PCNX2: variants seen among roughly 807,000 people sequenced by gnomAD.
PCNX2 encodes the protein pecanex 2.
Under a neutral mutation model 223.8 loss-of-function variants are expected in PCNX2, and 168 were observed. The observed-to-expected ratio is 0.75, with a 90% confidence interval of 0.66 to 0.85. PCNX2 has a LOEUF of 0.85. Among genes scored for constraint, PCNX2 ranks in the 40% least tolerant of loss-of-function variants. The probability of loss-of-function intolerance (pLI) is 0.00; values close to 1 mark genes in which losing one functional copy is unlikely to be tolerated. For synonymous variants in PCNX2, 1,006 were observed against 1,052.6 expected (o/e 0.96, Z 0.86); for missense variants, 2,507 against 2,675.5 (o/e 0.94, Z 1.39).
chr1:233,326,891 T>C, the PCNX2 span, among the ~76,000 whole-genome samples: 1 of 152,180 alleles, frequency 6.6e-6, no homozygotes, highest in African/African-American at 2.4e-5. Flanking sequence ...CCAGGGAGAC[T>C]GGGGCATTTT....
At chr1:233,223,633 C>T (rs114656986) in intron 10 of PCNX2, among the ~76,000 whole-genome samples, 2,553 of 152,186 alleles carry the variant, frequency 0.017, 30 homozygotes, top group South Asian at 0.049. Context: ...CCCTGACAGG[C>T]CCCGGTGTGT....
intron 25 of PCNX2, among the ~76,000 whole-genome samples, chr1:233,032,580 CTT>C (rs11323256): frequency 1.9e-3 from 285 of 147,010 alleles, no homozygotes; most frequent in African/African-American, 6.5e-3. Flanking sequence ...AAAGCCAGGG[CTT>C]TTTTTTTTTT....
At position 233,014,742 on chromosome 1, in the gene PCNX2, G is replaced by A; in HGVS notation, c.4875C>T (p.Pro1625=). 6.2e-7 allele frequency: 1 copy of A among 1,614,010 alleles called. No individual in the cohort carries two copies. The highest frequency in any genetic ancestry group is 8.5e-7 in the Non-Finnish European group (1 of 1,179,904). Reference sequence around the variant, plus strand: ...ACAGGGCGAAGGACAGAGTCACCAAGGGAGAGTCCTCGTCACTGTCCAGGG... The same window carrying A: ...ACAGGGCGAAGGACAGAGTCACCAAAGGAGAGTCCTCGTCACTGTCCAGGG... ...STTLDSDEDS[P]LVTLSFALCT... The change falls in exon 28 of 34, where the codon CCC becomes CCT. Residue 1625 remains proline (P), a synonymous_variant. Coordinates refer to ENST00000258229, the MANE Select transcript of PCNX2 (RefSeq NM_014801.4).
In PCNX2 at chr1:233,000,313, C is replaced by T. The variant is rs754010908; in HGVS notation, c.5320G>A (p.Val1774Met). 6.2e-6 allele frequency: 10 copies of T among 1,613,872 alleles called. No homozygotes were observed. Among genetic ancestry groups the T allele is most frequent in the African/African-American group, 1.3e-5 (1 of 74,934 alleles). ...AAGTGTGGCCGCCATACCTTGATCA[C>T]CTTGAAGCTCAGGAAGCTTCTGTGG... Reference protein sequence around the residue: ...MLHRSFLSFKVIKVNKECVRG... With the variant: ...MLHRSFLSFKMIKVNKECVRG... Residue 1774 changes from valine to methionine, a missense_variant, in exon 30 of 34, where the codon GTG becomes ATG. By Grantham distance (21) the Val-to-Met change is conservative. Coordinates refer to ENST00000258229, the MANE Select transcript of PCNX2 (RefSeq NM_014801.4). This position sits in a 1 kb window ranked among gnomAD's most constrained non-coding sequence, Gnocchi z 4.6.
At chr1:233,027,161 G>A (rs1198280643) in intron 25 of PCNX2, among the ~76,000 whole-genome samples, 1 of 151,972 alleles carries the variant, frequency 6.6e-6, no homozygotes, top group African/African-American at 2.4e-5. Context: ...AAAGGAAGAG[G>A]GAACATCAGT....
At chr1:233,224,292 T>C (rs1657566882) in intron 10 of PCNX2, among the ~76,000 whole-genome samples, 1 of 152,184 alleles carries the variant, frequency 6.6e-6, no homozygotes, top group Admixed American at 6.5e-5. Flanking sequence ...GTAAGGAGAA[T>C]AGGACAAGTC....
intron 17 of PCNX2, among the ~76,000 whole-genome samples, chr1:233,169,573 A>G (rs998081907): frequency 2.7e-5 from 4 of 148,934 alleles, no homozygotes; most frequent in Non-Finnish European, 4.4e-5. Flanking sequence ...TGAACCCGGG[A>G]GGCGGAGCTT....
In PCNX2 at chr1:233,000,514, C is replaced by T. The variant is rs768257696; in HGVS notation, c.5119G>A (p.Glu1707Lys). ...TAGAGGACTGCTGGGTCTTCATACT[C>T]GTCAGGGCAAGTGAACTGGTCCTGG... ...LHQDQFTCPD[E>K]YEDPAVLYEA... is the part of the protein sequence containing the mutation. Residue 1707 changes from glutamate (E) to lysine (K), a missense_variant, in exon 30 of 34, where the codon GAG becomes AAG. Glu to Lys is a moderately conservative substitution (Grantham distance 56, BLOSUM62 1). Around this residue, in one of 3 missense-constraint regions of PCNX2, gnomAD observed 1,372 missense variants for 1,509.4 expected, o/e 0.91. Transcript: ENST00000258229. The surrounding 1 kb of genome is among the most constrained non-coding windows in gnomAD (Gnocchi z 4.6). 2.8e-5 allele frequency: 44 copies of T among 1,599,914 alleles called. No individual in the cohort carries two copies. The highest frequency in any genetic ancestry group is 3.7e-5 in the Non-Finnish European group (43 of 1,175,996).
chr1:233,261,438 C>T, intron 3 of PCNX2, 117 bp from the exon 4 acceptor site: 1 of 888,012 alleles, frequency 1.1e-6, no homozygotes, highest in Non-Finnish European at 1.9e-6. Context: ...AGGGGAGAGA[C>T]AATACAGTGT....
intron 12 of PCNX2, chr1:233,211,720 G>A (rs772507236): frequency 4.3e-5 from 41 of 950,650 alleles, no homozygotes; most frequent in Non-Finnish European, 4.6e-5. Flanking sequence ...AGGCATGCAT[G>A]TGGCACTGGA....
At chr1:233,265,173 T>C (rs1260566131) in intron 1 of PCNX2, among the ~76,000 whole-genome samples, 1 of 151,558 alleles carries the variant, frequency 6.6e-6, no homozygotes, top group East Asian at 1.9e-4. Context: ...AGCCTAGGAG[T>C]TCAAGTTTAC....
chr1:233,129,002 C>A (rs925887964), intron 21 of PCNX2, among the ~76,000 whole-genome samples: 3 of 152,244 alleles, frequency 2.0e-5, no homozygotes, highest in African/African-American at 7.2e-5. Flanking sequence ...GCCTCCTCGG[C>A]CTTGGCGTCT....
chr1:233,255,814 A>G (rs892053191), intron 5 of PCNX2, among the ~76,000 whole-genome samples: 1 of 152,198 alleles, frequency 6.6e-6, no homozygotes, highest in Non-Finnish European at 1.5e-5. Context: ...TTAAACACCC[A>G]ACATGTTGTT....
At chr1:233,087,059 G>C (rs1375745426) in intron 23 of PCNX2, 2 of 985,240 alleles carry the variant, frequency 2.0e-6, no homozygotes, top group Non-Finnish European at 1.2e-6. Context: ...GGAACAGGAG[G>C]TCTGCAGGTT....
intron 1 of PCNX2, chr1:233,288,777 G>T: frequency 1.5e-6 from 1 of 647,870 alleles, no homozygotes; most frequent in Non-Finnish European, 2.6e-6. Flanking sequence ...TAGTTCTTTT[G>T]GAGGCCCAGG....
chr1:233,297,337 C>T (rs965437219), upstream of PCNX2, among the ~76,000 whole-genome samples: 3 of 152,248 alleles, frequency 2.0e-5, no homozygotes, highest in African/African-American at 7.2e-5. Flanking sequence ...CAAATATAGT[C>T]CCTACCATGA....
chr1:233,081,289 T>A (rs990846836), intron 23 of PCNX2, among the ~76,000 whole-genome samples: 13 of 152,198 alleles, frequency 8.5e-5, no homozygotes, highest in African/African-American at 3.1e-4. Flanking sequence ...GAGGTTGTAG[T>A]GAGCCGAGAT....
chr1:233,212,348 G>A (rs1681868013), intron 12 of PCNX2, among the ~76,000 whole-genome samples: 1 of 152,144 alleles, frequency 6.6e-6, no homozygotes, highest in Non-Finnish European at 1.5e-5. Context: ...ATTCTCACCG[G>A]TTTACTATTG....
rs964152904 is a variant in PCNX2 at position 233,000,669 on chromosome 1, T to C, written c.5098-134A>G. 4.2e-6 allele frequency: 3 copies of C among 708,332 alleles called. No homozygotes were observed. Among genetic ancestry groups the C allele is most frequent in the Non-Finnish European group, 7.0e-6 (3 of 426,786 alleles). 43.9% of individuals were successfully genotyped at this position (708,332 alleles called of 1,614,324 possible). A position where few individuals can be genotyped will look rare whatever the true frequency, so the allele number is the denominator to read the frequency against. On this transcript the variant is annotated intron_variant, in intron 29 of 33. Transcript: ENST00000258229. This position sits in a 1 kb window ranked among gnomAD's most constrained non-coding sequence, Gnocchi z 4.6. ...TCATCTTCCTCTCTCCTGTTCTTTTTCCAAATCCTGAGCTCGGCACAGAGG... is the reference window on the plus strand; with the variant it reads ...TCATCTTCCTCTCTCCTGTTCTTTTCCCAAATCCTGAGCTCGGCACAGAGG...
Sources: allele counts gnomAD v4.1 joint callset (sites outside exome capture counted in the v4.1 genomes callset), GRCh38; gene constraint gnomAD v4.1.1; regional missense constraint gnomAD v4.1.1; non-coding constraint Gnocchi (gnomAD v3.1); transcripts MANE v1.5; gene names NCBI Gene and HGNC (gene_info 2026-07-23, HGNC 2026-07-21).